Variants in PDE8B observed in about 807,000 individuals in gnomAD.
PDE8B encodes high affinity cAMP-specific and IBMX-insensitive 3',5'-cyclic phosphodiesterase 8B.
In PDE8B, 26 loss-of-function variants were observed where a neutral mutation model predicts 101.3. That is an observed-to-expected ratio of 0.26 (90% CI 0.19 to 0.36). The LOEUF is 0.36. Ranked by LOEUF, PDE8B falls within the 10% of genes least tolerant of loss-of-function variation. PDE8B has a pLI of 1.00. For missense variants in PDE8B, 810 were observed against 1,163.1 expected (o/e 0.70, Z 4.42); for synonymous variants, 424 against 429.3 (o/e 0.99, Z 0.15).
the PDE8B span, among the ~76,000 whole-genome samples, chr5:77,120,184 T>C: frequency 6.6e-6 from 1 of 152,196 alleles, no homozygotes; most frequent in Non-Finnish European, 1.5e-5. Context: ...AATAATATGG[T>C]ATTTTCCTAT....
intron 10 of PDE8B, among the ~76,000 whole-genome samples, chr5:77,377,844 G>A (rs1003774388): frequency 3.9e-5 from 6 of 152,116 alleles, no homozygotes; most frequent in African/African-American, 1.4e-4. Context: ...CCCTGACATC[G>A]GTGCTCCCGG....
At chr5:77,266,206 G>C (rs1384752763) in intron 1 of PDE8B, among the ~76,000 whole-genome samples, 1 of 152,178 alleles carries the variant, frequency 6.6e-6, no homozygotes, top group Non-Finnish European at 1.5e-5. Flanking sequence ...GACTTTTGTG[G>C]TCATTTGTGG....
chr5:77,141,932 C>T, the PDE8B span: 1 of 151,896 alleles, frequency 6.6e-6, no homozygotes, highest in East Asian at 1.9e-4. Flanking sequence ...ATGGATTGTT[C>T]CCATATATAA....
intron 1 of PDE8B, among the ~76,000 whole-genome samples, chr5:77,247,358 C>G (rs762613819): frequency 6.6e-6 from 1 of 152,168 alleles, no homozygotes; most frequent in African/African-American, 2.4e-5. Context: ...ACTGCAGTCA[C>G]GCAGGGTGCC....
the PDE8B span, among the ~76,000 whole-genome samples, chr5:77,205,111 T>C: frequency 6.6e-6 from 1 of 152,122 alleles, no homozygotes; most frequent in East Asian, 1.9e-4. Flanking sequence ...GAAGGACAGA[T>C]CACTTTTGTA....
At chr5:77,162,556 C>A in the PDE8B span, among the ~76,000 whole-genome samples, 1 of 152,060 alleles carries the variant, frequency 6.6e-6, no homozygotes, top group African/African-American at 2.4e-5. Flanking sequence ...AAATGTGGTA[C>A]TAGGGAAAAA....
chr5:77,353,524 A>G (rs1781536823), intron 10 of PDE8B, 118 bp downstream of exon 10: 3 of 738,394 alleles, frequency 4.1e-6, no homozygotes, highest in South Asian at 2.9e-5. Flanking sequence ...GTAGCTGCCA[A>G]TTAAGCAGAT....
Position 77,426,672 on chromosome 5 carries a change from T to C in PDE8B, c.*118T>C. On this transcript the variant is annotated 3_prime_UTR_variant, in exon 22 of 22. Coordinates refer to ENST00000264917, the MANE Select transcript of PDE8B (RefSeq NM_003719.5). ...AGGTATTGGTGAAGGAGCTAATGTTTAATATTTGACCTTGAATCATTCAAG... is the reference window on the plus strand; with the variant it reads ...AGGTATTGGTGAAGGAGCTAATGTTCAATATTTGACCTTGAATCATTCAAG... 1 of 714,226 alleles carries C rather than the reference T, an allele frequency of 1.4e-6. No homozygotes were observed. Among genetic ancestry groups the C allele is most frequent in the Non-Finnish European group, 2.6e-6 (1 of 386,558 alleles). The allele number at this position is 714,226 out of a possible 1,614,324, so 44.2% of individuals were successfully genotyped here.
chr5:77,421,740 C>A (rs1273888884), intron 19 of PDE8B, 81 bp from the exon 20 acceptor site: 1 of 1,364,328 alleles, frequency 7.3e-7, no homozygotes. Context: ...TCGGTGATCA[C>A]CATCGAATGC....
At chr5:77,298,551 G>T (rs1173988423) in intron 1 of PDE8B, among the ~76,000 whole-genome samples, 1 of 152,222 alleles carries the variant, frequency 6.6e-6, no homozygotes, top group Non-Finnish European at 1.5e-5. Context: ...GCAACTGAAG[G>T]CAGAACTTTC....
intron 10 of PDE8B, among the ~76,000 whole-genome samples, chr5:77,387,141 T>G (rs1342238441): frequency 6.6e-6 from 1 of 152,044 alleles, no homozygotes; most frequent in Non-Finnish European, 1.5e-5. Flanking sequence ...CCTCGGCCGA[T>G]GTAGTTTCTT....
chr5:77,252,228 T>A (rs1758209085), intron 1 of PDE8B, among the ~76,000 whole-genome samples: 1 of 152,256 alleles, frequency 6.6e-6, no homozygotes, highest in Non-Finnish European at 1.5e-5. Context: ...TTGTAGCCTT[T>A]GGGGCACAGA....
At chr5:77,343,803 C>T (rs1436406057) in intron 6 of PDE8B, among the ~76,000 whole-genome samples, 1 of 151,612 alleles carries the variant, frequency 6.6e-6, no homozygotes, top group Non-Finnish European at 1.5e-5. Flanking sequence ...AACACAAACA[C>T]ATTTCACAGC....
At chr5:77,262,583 T>C (rs1366610083) in intron 1 of PDE8B, among the ~76,000 whole-genome samples, 1 of 152,264 alleles carries the variant, frequency 6.6e-6, no homozygotes, top group Admixed American at 6.5e-5. Flanking sequence ...ATTGCATGTC[T>C]GCATTTAACA....
At chr5:77,118,571 A>G in the PDE8B span, 1 of 394,000 alleles carries the variant, frequency 2.5e-6, no homozygotes, top group Non-Finnish European at 4.5e-6. Flanking sequence ...CTTATTTCTC[A>G]GATCAGTGCC....
the PDE8B span, among the ~76,000 whole-genome samples, chr5:77,128,407 C>G: frequency 1.3e-5 from 2 of 152,186 alleles, no homozygotes; most frequent in African/African-American, 4.8e-5. Context: ...GATTCTTAAT[C>G]CTGTTCACCT....
the PDE8B span, among the ~76,000 whole-genome samples, chr5:77,164,196 T>C: frequency 2.6e-5 from 4 of 152,174 alleles, no homozygotes; most frequent in Non-Finnish European, 1.5e-5. Context: ...TAAAAACCAA[T>C]TGGCATTGTG....
chr5:77,321,787 G>A (rs975137468), intron 2 of PDE8B, among the ~76,000 whole-genome samples: 1 of 152,134 alleles, frequency 6.6e-6, no homozygotes, highest in Admixed American at 6.5e-5. Flanking sequence ...TTAAATATTA[G>A]CCAAAGAAAT....
intron 7 of PDE8B, among the ~76,000 whole-genome samples, chr5:77,347,019 A>G (rs1780261209): frequency 6.6e-6 from 1 of 152,186 alleles, no homozygotes; most frequent in African/African-American, 2.4e-5. Context: ...TAAAATTTAG[A>G]AGCAATATCT....
Sources: gnomAD v4.1 joint callset for allele counts (sites outside exome capture counted in the v4.1 genomes callset) on GRCh38, gnomAD v4.1.1 for gene constraint, MANE v1.5 for transcripts, NCBI Gene and HGNC (gene_info 2026-07-23, HGNC 2026-07-21) for gene names.